CD86: variants seen among roughly 807,000 people sequenced by gnomAD.
CD86 encodes the protein CD86 molecule, also known as T-lymphocyte activation antigen CD86.
Under a neutral mutation model 32.1 loss-of-function variants are expected in CD86, and 11 were observed. The ratio of observed to expected loss-of-function variants is 0.34; its 90% CI spans 0.22 to 0.57. The LOEUF (loss-of-function observed/expected upper bound fraction) is 0.57, where lower values mean the gene tolerates loss of function less well. CD86 is among the 20% of genes least tolerant of loss of function. CD86 has a pLI of 0.86. For synonymous variants in CD86, 137 were observed against 135.3 expected, an observed-to-expected ratio of 1.01 and a Z score of -0.09; for missense variants, 359 against 398.4, an observed-to-expected ratio of 0.90 and a Z score of 0.84.
At chr3:122,077,459 G>C (rs1393255785) in intron 1 of CD86, among the ~76,000 whole-genome samples, 1 of 152,236 alleles carries the variant, frequency 6.6e-6, no homozygotes, top group Non-Finnish European at 1.5e-5. Flanking sequence ...TGGGTGGAGA[G>C]ATGTACTTAA....
Sources: allele counts gnomAD v4.1 joint callset (sites outside exome capture counted in the v4.1 genomes callset), GRCh38; gene constraint gnomAD v4.1.1; transcripts MANE v1.5; gene names NCBI Gene and HGNC (gene_info 2026-07-23, HGNC 2026-07-21).